The following PCDHGA6 variants were observed in gnomAD, a reference collection of about 807,000 sequenced individuals.
The protein encoded by PCDHGA6 is protocadherin gamma subfamily A, 6.
PCDHGA6 carries 41 observed loss-of-function variants against 60.6 expected under a neutral mutation model. The observed-to-expected ratio is 0.68, with a 90% CI of 0.53 to 0.88. PCDHGA6 has a LOEUF of 0.88. PCDHGA6 is among the 40% of genes least tolerant of loss of function. The pLI is 0.00. For missense variants in PCDHGA6, 1,312 were observed against 1,203.0 expected, an observed-to-expected ratio of 1.09 and a Z score of -1.34; for synonymous variants, 594 against 524.4, an observed-to-expected ratio of 1.13 and a Z score of -1.81.
chr5:141,414,152 A>T, intron 1 of PCDHGA6: 1 of 1,600,994 alleles, frequency 6.2e-7, no homozygotes, highest in Non-Finnish European at 8.5e-7. Flanking sequence ...ATACAAGCAG[A>T]AGATGGAGGA....
At chr5:141,464,685 C>A (rs1283627323) in intron 1 of PCDHGA6, among the ~76,000 whole-genome samples, 1 of 152,006 alleles carries the variant, frequency 6.6e-6, no homozygotes, top group Non-Finnish European at 1.5e-5. Flanking sequence ...ATTAAAATTT[C>A]TCTTATTATG....
In PCDHGA6 at chr5:141,472,994, A is replaced by G. The variant is rs188075835; in HGVS notation, c.2425-21813A>G. Among the ~76,000 whole-genome samples, 1,141 of 151,802 alleles carry G rather than the reference A, an allele frequency of 7.5e-3. 5 individuals carry two copies. The highest frequency in any genetic ancestry group is 0.017 in the Middle Eastern group (5 of 294). ...AGAGTGAAACTCAAAAAAAAAAAAA[A>G]AAAGAAAGAAAAAGAAAAAGAAAGA... On this transcript the variant is annotated intron_variant, in intron 1 of 3. Transcript: ENST00000517434.
intron 1 of PCDHGA6, chr5:141,423,756 GGGGGT>G: frequency 1.1e-5 from 5 of 448,566 alleles, no homozygotes; most frequent in African/African-American, 2.8e-5. Context: ...TGTTTGGGGG[GGGGGT>G]GGGGCGGCAT....
chr5:141,463,438 CTTTTTTTTTTTT>C (rs71576115), intron 1 of PCDHGA6, among the ~76,000 whole-genome samples: 6 of 103,254 alleles, frequency 5.8e-5, no homozygotes, highest in Admixed American at 3.1e-4. Flanking sequence ...TTTCCTTCTC[CTTTTTTTTTTTT>C]TTTTTTTTTT....
intron 1 of PCDHGA6, chr5:141,412,841 G>A (rs1285924844): frequency 4.9e-6 from 1 of 206,050 alleles, no homozygotes; most frequent in Non-Finnish European, 9.6e-6. Flanking sequence ...AAAGATAGGA[G>A]TGGAGAAACC....
chr5:141,430,763 A>C, intron 1 of PCDHGA6: 1 of 1,506,248 alleles, frequency 6.6e-7, no homozygotes, highest in Non-Finnish European at 8.9e-7. Flanking sequence ...GATAAGAATG[A>C]TTCCTGCGCG....
At chr5:141,405,047 G>T (rs754907464) in intron 1 of PCDHGA6, 1 of 1,613,944 alleles carries the variant, frequency 6.2e-7, no homozygotes, top group Non-Finnish European at 8.5e-7. Flanking sequence ...GGCTGTGGCA[G>T]TCGTCTCCTG....
intron 1 of PCDHGA6, among the ~76,000 whole-genome samples, chr5:141,469,392 T>C (rs2099199760): frequency 6.6e-6 from 1 of 152,046 alleles, no homozygotes; most frequent in South Asian, 2.1e-4. Flanking sequence ...CTGGCCAACA[T>C]GGTGAAACCC....
intron 2 of PCDHGA6, among the ~76,000 whole-genome samples, chr5:141,499,326 C>T (rs1465474737): frequency 6.6e-6 from 1 of 152,156 alleles, no homozygotes. Context: ...TATCCCTGCT[C>T]TCTCTCAGTT....
chr5:141,422,150 T>A (rs773805631), intron 1 of PCDHGA6: 1 of 1,577,174 alleles, frequency 6.3e-7, no homozygotes, highest in Non-Finnish European at 8.6e-7. Context: ...CGGGGGTCTC[T>A]GGATTTTGAA....
At chr5:141,388,655 G>A (rs375260597) in intron 1 of PCDHGA6, 1 of 1,613,808 alleles carries the variant, frequency 6.2e-7, no homozygotes, top group Non-Finnish European at 8.5e-7. Flanking sequence ...ACGTGTACCC[G>A]GGGACCACGG....
chr5:141,494,142 A>AAGACAACT (rs2099752181), intron 1 of PCDHGA6, among the ~76,000 whole-genome samples: 5 of 152,090 alleles, frequency 3.3e-5, no homozygotes, highest in Admixed American at 6.5e-5. Context: ...TTAGTCACAG[A>AAGACAACT]CCATTGTCTG....
chr5:141,419,138 A>C, intron 1 of PCDHGA6: 1 of 1,613,920 alleles, frequency 6.2e-7, no homozygotes, highest in Non-Finnish European at 8.5e-7. Context: ...AGCCACAGAC[A>C]GGGGCAAGCC....
At chr5:141,438,635 T>TAC (rs56854727) in intron 1 of PCDHGA6, among the ~76,000 whole-genome samples, 5 of 33,422 alleles carry the variant, frequency 1.5e-4, no homozygotes, top group Admixed American at 8.3e-4. Flanking sequence ...TATATATATA[T>TAC]ACACACACAC....
At chr5:141,415,344 G>A in intron 1 of PCDHGA6, 15 of 1,614,238 alleles carry the variant, frequency 9.3e-6, no homozygotes, top group Non-Finnish European at 1.3e-5. Flanking sequence ...TGCGGCGCTG[G>A]CACAAGTCAC....
chr5:141,421,400 G>A (rs2096569762), intron 1 of PCDHGA6: 1 of 1,614,060 alleles, frequency 6.2e-7, no homozygotes, highest in Non-Finnish European at 8.5e-7. Context: ...CTGGAGCCCC[G>A]GGAGCTGGCG....
At chr5:141,450,832 T>TTA (rs764784095) in intron 1 of PCDHGA6, among the ~76,000 whole-genome samples, 6,304 of 142,274 alleles carry the variant, frequency 0.044, 222 homozygotes, top group African/African-American at 0.11. Context: ...TATTATTATT[T>TTA]TTTTTTTTTT....
chr5:141,389,322 G>C lies in PCDHGA6; in HGVS notation c.2424+12815G>C, dbSNP rs752301649. ...AGTCAGGGCTTCTGATCCGGACTTG[G>C]GGCCCAACGGCCAAGTCTCTTACTG... On this transcript the variant is annotated intron_variant, in intron 1 of 3. Transcript: ENST00000517434. 2 of 1,613,984 alleles carry C rather than the reference G, an allele frequency of 1.2e-6. No homozygotes were observed. Among genetic ancestry groups the C allele is most frequent in the East Asian group, 2.2e-5 (1 of 44,880 alleles).
At position 141,477,483 on chromosome 5, in the gene PCDHGA6, A is replaced by T; in HGVS notation, c.2425-17324A>T. ...TCCGACATCAATGACAACCCTCCAC[A>T]ATCTTCTCAATCTTCCTACGACGTT... On this transcript the variant is annotated intron_variant, in intron 1 of 3. Coordinates refer to ENST00000517434, the MANE Select transcript of PCDHGA6 (RefSeq NM_018919.3). The surrounding 1 kb of genome is among the most constrained non-coding windows in gnomAD (Gnocchi z 4.9). 1 of 1,614,028 alleles carries T rather than the reference A, an allele frequency of 6.2e-7. No homozygotes were observed.
Sources: gnomAD v4.1 joint callset for allele counts (sites outside exome capture counted in the v4.1 genomes callset) on GRCh38, gnomAD v4.1.1 for gene constraint, Gnocchi (gnomAD v3.1) non-coding constraint, MANE v1.5 for transcripts, NCBI Gene and HGNC (gene_info 2026-07-23, HGNC 2026-07-21) for gene names.